Variants in TAF1 observed in about 807,000 individuals in gnomAD.
TAF1 encodes the protein transcription initiation factor TFIID subunit 1.
Under a neutral mutation model 138.5 loss-of-function variants are expected in TAF1, and 2 were observed. That is an observed-to-expected ratio of 0.01 (90% CI 0.01 to 0.05). The LOEUF (loss-of-function observed/expected upper bound fraction) is 0.05, where lower values mean the gene tolerates loss of function less well. Ranked by LOEUF, TAF1 falls within the 10% of genes least tolerant of loss-of-function variation. TAF1 has a pLI of 1.00. For missense variants in TAF1, 709 were observed against 1,478.0 expected (o/e 0.48, Z 8.53); for synonymous variants, 437 against 503.2 (o/e 0.87, Z 1.76).
At chrX:71,520,721 C>A (rs1407689947) in intron 13 of TAF1, among the ~76,000 whole-genome samples, 2 of 29,270 alleles carry the variant, frequency 6.8e-5, no homozygotes, top group East Asian at 2.1e-3. Flanking sequence ...TAACTTTTAT[C>A]CTGTTTTAAT....
intron 3 of TAF1, among the ~76,000 whole-genome samples, chrX:71,370,167 G>A: frequency 8.9e-6 from 1 of 112,126 alleles, no homozygotes; most frequent in Non-Finnish European, 1.9e-5. Flanking sequence ...GCAGGTTGCA[G>A]TGAGCCGAAA....
chrX:71,410,607 G>C (rs1399778980), intron 28 of TAF1, among the ~76,000 whole-genome samples: 1 of 108,354 alleles, frequency 9.2e-6, no homozygotes, highest in Non-Finnish European at 1.9e-5. Flanking sequence ...ACAGGCGCCA[G>C]CCACCACGCC....
chrX:71,459,162 C>G, intron 35 of TAF1: 1 of 1,072,159 alleles, frequency 9.3e-7, no homozygotes, highest in South Asian at 1.8e-5. Flanking sequence ...GCGCCAGGGC[C>G]GAGGTAGGCT....
intron 28 of TAF1, among the ~76,000 whole-genome samples, chrX:71,411,205 C>T (rs769710732): frequency 8.9e-6 from 1 of 111,752 alleles, no homozygotes; most frequent in Non-Finnish European, 1.9e-5. Flanking sequence ...CCTCAGCCTC[C>T]TAAGTAGCTG....
chrX:71,423,608 G>A lies in TAF1; in HGVS notation c.4576-366G>A, dbSNP rs1306512257. On this transcript the variant is annotated intron_variant, in intron 30 of 37. Coordinates refer to ENST00000423759, the MANE Select transcript of TAF1 (RefSeq NM_004606.5). The stretch of plus-strand genomic sequence containing the variant: ...ATGCTTTGATAATTAGACACCATTG[G>A]TTGTCTTTTATTTCATTTTTATATT... Among the ~76,000 whole-genome samples the A allele has an allele frequency of 2.7e-5, 3 of 111,172 alleles. No homozygotes were observed. The East Asian group carries it at 8.5e-4, about 31-fold the overall frequency.
At chrX:71,392,320 G>T (rs975709111) in intron 18 of TAF1, among the ~76,000 whole-genome samples, 10 of 111,265 alleles carry the variant, frequency 9.0e-5, no homozygotes. Context: ...TATCCTGCCT[G>T]AGCTCTTGAC....
chrX:71,377,721 A>G lies in TAF1; in HGVS notation c.833A>G (p.Glu278Gly), dbSNP rs2033583963. The change falls in exon 6 of 38, where the codon GAG (glutamate) becomes GGG (glycine). Residue 278 changes from glutamate to glycine, a missense_variant. This residue lies in a region of TAF1 where 26 missense variants were observed against 20.9 expected (regional missense o/e 1.25). Transcript: ENST00000423759. ...CTGATACAGGAAGAGCAGATCCAGG[A>G]GGTGGAGTGCTCAGTAGAATCAGAA... Reference protein sequence around the residue: ...RELIQEEQIQEVECSVESEVS... With the variant: ...RELIQEEQIQGVECSVESEVS... 8.3e-7 allele frequency: 1 copy of G among 1,209,843 alleles called. No individual in the cohort carries two copies. Among genetic ancestry groups the G allele is most frequent in the South Asian group, 1.8e-5 (1 of 56,790 alleles).
At chrX:71,382,915 G>T (rs2033983152) in intron 11 of TAF1, 47 bp downstream of exon 11, 1 of 1,192,998 alleles carries the variant, frequency 8.4e-7, no homozygotes, top group Admixed American at 2.3e-5. Context: ...CCATGGCTTT[G>T]TTCTGACGGA....
intron 26 of TAF1, among the ~76,000 whole-genome samples, chrX:71,406,950 C>CT (rs1288523742): frequency 9.6e-6 from 1 of 104,232 alleles, no homozygotes; most frequent in Admixed American, 1.1e-4. Context: ...GAATCTCACT[C>CT]TGTCGCCCAG....
At chrX:71,370,992 A>G (rs182284566) in intron 3 of TAF1, among the ~76,000 whole-genome samples, 1 of 111,815 alleles carries the variant, frequency 8.9e-6, no homozygotes, top group Non-Finnish European at 1.9e-5. Context: ...TTTAGTTTTG[A>G]TGGGCTGCAA....
chrX:71,495,597 C>T (rs1204750781), intron 13 of TAF1, among the ~76,000 whole-genome samples: 3 of 112,116 alleles, frequency 2.7e-5, no homozygotes, highest in African/African-American at 9.7e-5. Context: ...GAGGTCTAGG[C>T]CTCGACAGTT....
rs750459612 is a variant in TAF1, at chrX:71,368,168, C to T, written c.350C>T (p.Ser117Leu). The change falls in exon 3 of 38, where the codon TCA becomes TTA. Residue 117 changes from serine to leucine, a missense_variant and splice_region_variant. Physicochemically the swap from Ser to Leu is moderately radical, Grantham distance 145 (BLOSUM62 -2). Around this residue, in one of 14 missense-constraint regions of TAF1, gnomAD observed 123 missense variants for 161.6 expected, o/e 0.76. Transcript: ENST00000423759. ...TMGSLQPLCHSDYDEDDYDAD... is the reference protein window; with the variant it reads ...TMGSLQPLCHLDYDEDDYDAD... Reference sequence around the variant, plus strand: ...GGGAGCTTGCAGCCCCTTTGCCACTCAGGTGATTCTTTGGTGTATTGGCTT... The same window carrying T: ...GGGAGCTTGCAGCCCCTTTGCCACTTAGGTGATTCTTTGGTGTATTGGCTT... 5.0e-6 allele frequency: 6 copies of T among 1,207,948 alleles called. No homozygotes were observed. Among genetic ancestry groups the T allele is most frequent in the Non-Finnish European group, 5.6e-6 (5 of 893,445 alleles).
At chrX:71,494,214 G>C (rs2039351950) in intron 13 of TAF1, among the ~76,000 whole-genome samples, 1 of 111,303 alleles carries the variant, frequency 9.0e-6, no homozygotes, top group South Asian at 3.7e-4. Context: ...CCTGAGGTTA[G>C]GAGATCGAGA....
chrX:71,514,426 G>C (rs1359276693), intron 13 of TAF1, among the ~76,000 whole-genome samples: 3 of 102,461 alleles, frequency 2.9e-5, no homozygotes, highest in Non-Finnish European at 5.9e-5. Context: ...AGGGCTTAAA[G>C]GACTAGAGGA....
At chrX:71,447,933 G>GT (rs1203224710) in intron 32 of TAF1, among the ~76,000 whole-genome samples, 5 of 111,366 alleles carry the variant, frequency 4.5e-5, no homozygotes, top group African/African-American at 1.3e-4. Context: ...TCCTTATTTG[G>GT]TATGAGGCAA....
At chrX:71,420,632 T>G in intron 28 of TAF1, 1 of 1,205,628 alleles carries the variant, frequency 8.3e-7, no homozygotes, top group African/African-American at 1.7e-5. Flanking sequence ...AACTCGAGCT[T>G]TGATAGCTTC....
chrX:71,389,933 C>T (rs2034465009), intron 18 of TAF1, among the ~76,000 whole-genome samples: 1 of 110,649 alleles, frequency 9.0e-6, no homozygotes. Flanking sequence ...GGCATGACCT[C>T]GACTCACTGC....
chrX:71,499,428 A>G (rs1176347030), intron 13 of TAF1, among the ~76,000 whole-genome samples: 1,463 of 85,757 alleles, frequency 0.017, no homozygotes, highest in East Asian at 0.025. Context: ...TGATATCTGC[A>G]GCTGATTGGG....
chrX:71,409,803 T>C (rs1354304625), intron 28 of TAF1, among the ~76,000 whole-genome samples: 1 of 111,886 alleles, frequency 8.9e-6, no homozygotes, highest in African/African-American at 3.2e-5. Flanking sequence ...TATCATTTCT[T>C]CATGACTTTG....
Sources: allele counts gnomAD v4.1 joint callset (sites outside exome capture counted in the v4.1 genomes callset), GRCh38; gene constraint gnomAD v4.1.1; regional missense constraint gnomAD v4.1.1; transcripts MANE v1.5; gene names NCBI Gene and HGNC (gene_info 2026-07-23, HGNC 2026-07-21).